Variants in PHF20 observed in about 807,000 individuals in gnomAD.
The protein encoded by PHF20 is PHD finger protein 20.
Under a neutral mutation model 113.5 loss-of-function variants are expected in PHF20, and 23 were observed. The ratio of observed to expected loss-of-function variants is 0.20; its 90% CI spans 0.15 to 0.29. The LOEUF (loss-of-function observed/expected upper bound fraction) is 0.29. Among genes scored for constraint, PHF20 ranks in the 10% least tolerant of loss-of-function variants. PHF20 has a pLI of 1.00. For synonymous variants in PHF20, 434 were observed against 457.3 expected (o/e 0.95, Z 0.65); for missense variants, 943 against 1,219.6 (o/e 0.77, Z 3.38).
chr20:35,795,946 G>A (rs904369734), intron 1 of PHF20, among the ~76,000 whole-genome samples: 2 of 152,108 alleles, frequency 1.3e-5, no homozygotes, highest in Non-Finnish European at 1.5e-5. Context: ...CACCTGCAGG[G>A]TTGAAGTGAT....
chr20:35,907,255 T>C (rs1235055763), intron 10 of PHF20, among the ~76,000 whole-genome samples: 3 of 152,092 alleles, frequency 2.0e-5, no homozygotes, highest in Non-Finnish European at 4.4e-5. Context: ...GAGTCAGCTG[T>C]ATGGAGGAGC....
At chr20:35,802,333 A>G (rs979412113) in intron 2 of PHF20, among the ~76,000 whole-genome samples, 4 of 150,240 alleles carry the variant, frequency 2.7e-5, no homozygotes, top group Non-Finnish European at 5.9e-5. Context: ...CAGAACTTAT[A>G]CCTCTTTAAG....
chr20:35,878,576 A>G lies in PHF20; in HGVS notation c.1282+6747A>G, dbSNP rs999313695. The G allele has an allele frequency of 5.9e-4, 440 of 747,820 alleles. 1 individual carries two copies. Among genetic ancestry groups the G allele is most frequent in the South Asian group, 3.6e-4 (25 of 69,568 alleles). The allele number at this position is 747,820 out of a possible 1,614,324, so 46.3% of individuals were successfully genotyped here. On this transcript the variant is annotated intron_variant, in intron 9 of 17. Transcript: ENST00000374012. The stretch of plus-strand genomic sequence containing the variant: ...TGTTGGAATAGAAGGTTTTGCAGCA[A>G]TTGTTGCATATGGATTATACAAATT...
intron 13 of PHF20, among the ~76,000 whole-genome samples, chr20:35,918,710 G>A (rs1176802023): frequency 6.6e-6 from 1 of 152,158 alleles, no homozygotes; most frequent in East Asian, 1.9e-4. Flanking sequence ...TGGCCAGAGG[G>A]GAAAGAGGTT....
At chr20:35,812,702 G>A (rs771896859) in intron 2 of PHF20, among the ~76,000 whole-genome samples, 2 of 152,194 alleles carry the variant, frequency 1.3e-5, no homozygotes, top group East Asian at 1.9e-4. Flanking sequence ...CCACTGTTCC[G>A]TGTATCACTT....
At chr20:35,772,894 G>T (rs926683577) in intron 1 of PHF20, among the ~76,000 whole-genome samples, 2 of 152,018 alleles carry the variant, frequency 1.3e-5, no homozygotes, top group Non-Finnish European at 2.9e-5. Context: ...ATGCCTTCTG[G>T]AATTTCTTAC....
intron 1 of PHF20, among the ~76,000 whole-genome samples, chr20:35,795,068 T>TA (rs1466198597): frequency 2.0e-5 from 3 of 151,864 alleles, no homozygotes; most frequent in African/African-American, 7.3e-5. Flanking sequence ...GGTGTGCTCC[T>TA]GTAATCCCAG....
At chr20:35,813,751 A>G (rs2042017038) in intron 2 of PHF20, among the ~76,000 whole-genome samples, 1 of 151,940 alleles carries the variant, frequency 6.6e-6, no homozygotes, top group Non-Finnish European at 1.5e-5. Flanking sequence ...TCAGCTACTC[A>G]GGAGGCTGAG....
chr20:35,947,523 C>G lies in PHF20; in HGVS notation c.2935C>G (p.Pro979Ala). The change falls in exon 18 of 18, where the codon CCC (proline) becomes GCC (alanine). Residue 979 changes from proline to alanine, a missense_variant. Physicochemically the swap from Pro to Ala is conservative, Grantham distance 27. Around this residue, in one of 3 missense-constraint regions of PHF20, gnomAD observed 349 missense variants for 412.3 expected, o/e 0.85. Transcript: ENST00000374012. ...GCTGGACTACACTGGGGAACTGGAG[C>G]CCCCTGAGCCGCTGGCCAGGCTTCC... ...SWLDYTGELE[P>A]PEPLARLPQL... The G allele has an allele frequency of 6.2e-7, 1 of 1,613,782 alleles. No individual in the cohort carries two copies. Among genetic ancestry groups the G allele is most frequent in the Admixed American group, 1.7e-5 (1 of 60,010 alleles).
intron 1 of PHF20, among the ~76,000 whole-genome samples, chr20:35,774,144 G>A (rs1327505324): frequency 6.6e-6 from 1 of 151,048 alleles, no homozygotes; most frequent in Non-Finnish European, 1.5e-5. Context: ...GTGCAGTGGC[G>A]CGATCTCGGC....
chr20:35,781,463 C>T (rs1196641491), intron 1 of PHF20, among the ~76,000 whole-genome samples: 1 of 152,208 alleles, frequency 6.6e-6, no homozygotes, highest in African/African-American at 2.4e-5. Context: ...TGTAGAAGCC[C>T]AGTTCTCCCA....
rs548459449 is a variant in PHF20 at position 35,884,088 on chromosome 20, A to T, written c.1282+12259A>T. On this transcript the variant is annotated intron_variant, in intron 9 of 17. Transcript: ENST00000374012. ...TTGGAAACATAGGTTTAGTGGTGTG[A>T]GTACAGGACGATCCAGAAAGATTGC... Among the ~76,000 whole-genome samples, 271 of 152,288 alleles carry T rather than the reference A, an allele frequency of 1.8e-3. 10 individuals are homozygous for T. In the South Asian group the frequency reaches 0.055, roughly 31 times the overall value.
intron 2 of PHF20, 178 bp downstream of exon 2, chr20:35,801,783 C>T: frequency 3.8e-6 from 2 of 526,882 alleles, no homozygotes; most frequent in East Asian, 3.2e-5. Context: ...GGGTGACTGT[C>T]CTGTAACCCC....
At chr20:35,876,192 C>T (rs1263092634) in intron 9 of PHF20, among the ~76,000 whole-genome samples, 3 of 151,598 alleles carry the variant, frequency 2.0e-5, no homozygotes, top group African/African-American at 7.3e-5. Flanking sequence ...GAGCTTGAGC[C>T]AAGAGGAATA....
chr20:35,921,545 A>G (rs2147097751), intron 13 of PHF20, among the ~76,000 whole-genome samples: 1 of 152,078 alleles, frequency 6.6e-6, no homozygotes, highest in Admixed American at 6.5e-5. Flanking sequence ...TTAGCTGGGC[A>G]TGGTGATGCA....
rs547342089 is a variant in PHF20, at chr20:35,870,161, G to A, written c.922+610G>A. On this transcript the variant is annotated intron_variant, in intron 7 of 17. Coordinates refer to ENST00000374012, the MANE Select transcript of PHF20 (RefSeq NM_016436.5). Reference sequence around the variant, plus strand: ...CTACTAAAAATATAAAAAATTAGCCGGGTGTTGTGGCAGGCACCTGTAGTC... The same window carrying A: ...CTACTAAAAATATAAAAAATTAGCCAGGTGTTGTGGCAGGCACCTGTAGTC... Among the ~76,000 whole-genome samples the A allele has an allele frequency of 5.3e-5, 8 of 152,052 alleles. No homozygotes were observed. The South Asian group carries it at 1.7e-3, about 32-fold the overall frequency.
At chr20:35,793,995 C>CAAAACAAAAAAAAAA (rs1385077985) in intron 1 of PHF20, among the ~76,000 whole-genome samples, 8 of 33,838 alleles carry the variant, frequency 2.4e-4, no homozygotes, top group South Asian at 1.5e-3. Flanking sequence ...GACTCTGTCT[C>CAAAACAAAAAAAAAA]AAAAAAAAAA....
In PHF20 at chr20:35,914,145, G is replaced by A. The variant is rs369617704; in HGVS notation, c.1773G>A (p.Pro591=). The part of the protein sequence containing the change: ...SSHKPGVHMS[P]QLHGPESGHH... Reference sequence around the variant, plus strand: ...ACAAGCCAGGGGTCCATATGAGCCCGCAGCTTCATGGCCCAGAATCTGGAC... The same window carrying A: ...ACAAGCCAGGGGTCCATATGAGCCCACAGCTTCATGGCCCAGAATCTGGAC... The change falls in exon 12 of 18, where the codon CCG becomes CCA. Residue 591 remains proline, a synonymous_variant. Transcript: ENST00000374012. 47 of 1,614,008 alleles carry A rather than the reference G, an allele frequency of 2.9e-5. No homozygotes were observed. Among genetic ancestry groups the A allele is most frequent in the South Asian group, 8.8e-5 (8 of 91,094 alleles).
intron 9 of PHF20, chr20:35,878,596 C>T (rs575517824): frequency 2.4e-5 from 18 of 763,482 alleles, no homozygotes; most frequent in Admixed American, 1.1e-4. Flanking sequence ...ATGGATTATA[C>T]AAATTGAAGA....
Sources: gnomAD v4.1 joint callset for allele counts (sites outside exome capture counted in the v4.1 genomes callset) on GRCh38, gnomAD v4.1.1 for gene constraint, gnomAD v4.1.1 regional missense constraint, MANE v1.5 for transcripts, NCBI Gene and HGNC (gene_info 2026-07-23, HGNC 2026-07-21) for gene names.